Variants in IRF2BP1 observed in about 807,000 individuals in gnomAD.
IRF2BP1 encodes the protein interferon regulatory factor 2 binding protein 1.
Under a neutral mutation model 38.6 loss-of-function variants are expected in IRF2BP1, and 9 were observed. That is an observed-to-expected ratio of 0.23 (90% CI 0.14 to 0.41). The LOEUF is 0.41. Among genes scored for constraint, IRF2BP1 ranks in the 10% least tolerant of loss-of-function variants. The pLI, the probability that IRF2BP1 is intolerant of heterozygous loss-of-function variation, is 1.00. For synonymous variants in IRF2BP1, 416 were observed against 383.4 expected, an observed-to-expected ratio of 1.08 and a Z score of -0.99; for missense variants, 631 against 829.6, an observed-to-expected ratio of 0.76 and a Z score of 2.94.
At position 45,884,252 on chromosome 19, in the gene IRF2BP1, T is replaced by C. The variant is rs775697252; in HGVS notation, c.1523A>G (p.Glu508Gly). 65 of 1,609,390 alleles carry C rather than the reference T, an allele frequency of 4.0e-5. No homozygotes were observed. Among genetic ancestry groups the C allele is most frequent in the Non-Finnish European group, 5.4e-5 (64 of 1,178,044 alleles). Residue 508 changes from glutamate to glycine, a missense_variant, in exon 1 of 1, where the codon GAG becomes GGG. Transcript: ENST00000302165. The stretch of plus-strand genomic sequence containing the variant: ...GACGAAGTGGGTGTCTTCTAGCCGC[T>C]CCCTGCACAGGGTACAGCACAGGGG... ...GAPLCCTLCR[E>G]RLEDTHFVQC...
Position 45,884,854 on chromosome 19 carries a change from T to C in IRF2BP1, c.921A>G (p.Ala307=). 4.3e-6 allele frequency: 7 copies of C among 1,613,034 alleles called. No individual in the cohort carries two copies. The highest frequency in any genetic ancestry group is 5.9e-6 in the Non-Finnish European group (7 of 1,180,032). The part of the protein sequence containing the change: ...FHDALREPGK[A]LASSGFKYLE... ...GGTACTTGAAGCCCGAAGAAGCCAGTGCCTTGCCCGGCTCCCGCAGAGCAT... is the reference window on the plus strand; with the variant it reads ...GGTACTTGAAGCCCGAAGAAGCCAGCGCCTTGCCCGGCTCCCGCAGAGCAT... Residue 307 remains alanine (A), a synonymous_variant, in exon 1 of 1, where the codon GCA becomes GCG. Transcript: ENST00000302165.
In IRF2BP1 at chr19:45,885,962, C is replaced by T; in HGVS notation, c.-188G>A. 1.6e-6 allele frequency: 1 copy of T among 615,710 alleles called. No homozygotes were observed. The highest frequency in any genetic ancestry group is 3.2e-5 in the South Asian group (1 of 31,734). 38.1% of individuals were successfully genotyped at this position (615,710 alleles called of 1,614,324 possible). The stretch of plus-strand genomic sequence containing the variant: ...CCTGGGCCCTAAGCCTTTCTGCTCA[C>T]TCCCGCCTCCCTCGCGAAGGCAGGC... On this transcript the variant is annotated 5_prime_UTR_variant, in exon 1 of 1. In the 5' UTR this introduces an upstream ATG that the reference lacks. Transcript: ENST00000302165.
chr19:45,884,436 C>A lies in IRF2BP1; in HGVS notation c.1339G>T (p.Val447Leu). 6.3e-7 allele frequency: 1 copy of A among 1,596,816 alleles called. No homozygotes were observed. Among genetic ancestry groups the A allele is most frequent in the Non-Finnish European group, 8.5e-7 (1 of 1,177,128 alleles). ...PKDPGGGGGP[V>L]RAGGASPAAS... is the part of the protein sequence containing the mutation. ...GCAGGGCTGGCGCCCCCTGCACGCA[C>A]AGGCCCCCCGCCTCCGCCAGGGTCC... The change falls in exon 1 of 1, where the codon GTG (valine) becomes TTG (leucine). Residue 447 changes from valine (V) to leucine (L), a missense_variant. Val to Leu is a conservative substitution (Grantham distance 32). Coordinates refer to ENST00000302165, the MANE Select transcript of IRF2BP1 (RefSeq NM_015649.3).
Position 45,885,265 on chromosome 19 carries a change from T to A in IRF2BP1, c.510A>T (p.Ala170=). The part of the protein sequence containing the change: ...GLMPPGLLAA[A]VSGLGSRGLT... ...GGCCTCGGCTTCCCAGGCCAGACAC[T>A]GCAGCTGCCAGCAGCCCAGGGGGCA... The change falls in exon 1 of 1, where the codon GCA becomes GCT. Residue 170 remains alanine, a synonymous_variant. Transcript: ENST00000302165. 1.2e-6 allele frequency: 2 copies of A among 1,603,114 alleles called. No individual in the cohort carries two copies. Among genetic ancestry groups the A allele is most frequent in the Non-Finnish European group, 1.7e-6 (2 of 1,179,894 alleles).
Position 45,884,101 on chromosome 19 carries a change from G to A in IRF2BP1, c.1674C>T (p.Ser558=), listed in dbSNP as rs3745927. 1.1e-3 allele frequency: 1,808 copies of A among 1,612,788 alleles called. 45 individuals are homozygous for A. The East Asian group carries it at 0.038, about 34-fold the overall frequency. ...CGCCCTGCATGAAGGCCCAGGGCAC[G>A]GAGGAGCCGACCAGCGGGCACTTGT... ...SGDKCPLVGS[S]VPWAFMQGEI... is the part of the protein sequence containing the mutation. Residue 558 remains serine, a synonymous_variant, in exon 1 of 1, where the codon TCC becomes TCT. Coordinates refer to ENST00000302165, the MANE Select transcript of IRF2BP1 (RefSeq NM_015649.3).
At position 45,883,943 on chromosome 19, in the gene IRF2BP1, C is replaced by T; in HGVS notation, c.*77G>A. On this transcript the variant is annotated 3_prime_UTR_variant, in exon 1 of 1. Transcript: ENST00000302165. ...AGATAGAGGTGGCACTGGGCTGGGT[C>T]GGGGAGGGAATAATTTATCCGCGGC... is the stretch of plus-strand genomic sequence containing the variant. 7.3e-7 allele frequency: 1 copy of T among 1,372,766 alleles called. No individual in the cohort carries two copies. Among genetic ancestry groups the T allele is most frequent in the Non-Finnish European group, 9.7e-7 (1 of 1,025,886 alleles). The allele number at this position is 1,372,766 out of a possible 1,614,324, so 85.0% of individuals were successfully genotyped here.
Position 45,885,553 on chromosome 19 carries a change from G to T in IRF2BP1, c.222C>A (p.His74Gln). Residue 74 changes from histidine (H) to glutamine (Q), a missense_variant, in exon 1 of 1, where the codon CAC becomes CAA. Physicochemically the swap from His to Gln is conservative, Grantham distance 24. Coordinates refer to ENST00000302165, the MANE Select transcript of IRF2BP1 (RefSeq NM_015649.3). ...GRSPGPPALK[H>Q]PATKDLAAAA... ...CCGCCGCCAGGTCCTTGGTGGCCGG[G>T]TGCTTAAGGGCCGGGGGCCCGGGCG... 1 of 1,448,660 alleles carries T rather than the reference G, an allele frequency of 6.9e-7. No homozygotes were observed. Among genetic ancestry groups the T allele is most frequent in the East Asian group, 2.8e-5 (1 of 35,574 alleles). 89.7% of individuals were successfully genotyped at this position (1,448,660 alleles called of 1,614,324 possible).
rs1387837711 is a variant in IRF2BP1 at position 45,885,537 on chromosome 19, G to C, written c.238C>G (p.Leu80Val). 7.0e-7 allele frequency: 1 copy of C among 1,425,244 alleles called. No homozygotes were observed. The highest frequency in any genetic ancestry group is 1.5e-5 in the African/African-American group (1 of 66,620). The allele number at this position is 1,425,244 out of a possible 1,614,324, so 88.3% of individuals were successfully genotyped here. Residue 80 changes from leucine (L) to valine (V), a missense_variant, in exon 1 of 1, where the codon CTG becomes GTG. By Grantham distance (32) the Leu-to-Val change is conservative. Transcript: ENST00000302165. ...PALKHPATKDLAAAAAQGPQL... is the reference protein window; with the variant it reads ...PALKHPATKDVAAAAAQGPQL... ...GGCCCCTGTGCGGCTGCCGCCGCCA[G>C]GTCCTTGGTGGCCGGGTGCTTAAGG... is the stretch of plus-strand genomic sequence containing the variant.
rs535895980 is a variant in IRF2BP1 at position 45,884,150 on chromosome 19, C to T, written c.1625G>A (p.Gly542Glu). Residue 542 changes from glycine (G) to glutamate (E), a missense_variant, in exon 1 of 1, where the codon GGG (glycine) becomes GAG (glutamate). By Grantham distance (98) the Gly-to-Glu change is moderately conservative. Around this residue, in one of 5 missense-constraint regions of IRF2BP1, gnomAD observed 58 missense variants for 108.4 expected, o/e 0.54. Coordinates refer to ENST00000302165, the MANE Select transcript of IRF2BP1 (RefSeq NM_015649.3). ...REFIKAQGPA[G>E]EVYCPSGDKC... ...GTCTCCGCTCGGGCAGTACACCTCC[C>T]CGGCCGGGCCCTGCGCCTTGATGAA... The T allele has an allele frequency of 1.9e-6, 3 of 1,613,196 alleles. No homozygotes were observed. The Admixed American group carries it at 5.0e-5, about 27-fold the overall frequency.
Position 45,885,903 on chromosome 19 carries a change from C to G in IRF2BP1, c.-129G>C. The G allele has an allele frequency of 8.9e-7, 1 of 1,126,028 alleles. No individual in the cohort carries two copies. 69.8% of individuals were successfully genotyped at this position (1,126,028 alleles called of 1,614,324 possible). On this transcript the variant is annotated 5_prime_UTR_variant, in exon 1 of 1. Coordinates refer to ENST00000302165, the MANE Select transcript of IRF2BP1 (RefSeq NM_015649.3). ...GGTCCGGCCTCCGGCTCGGCCTCCCCGCCGGATCCAGGCCCGGCCCCCCTT... is the reference window on the plus strand; with the variant it reads ...GGTCCGGCCTCCGGCTCGGCCTCCCGGCCGGATCCAGGCCCGGCCCCCCTT...
At position 45,885,138 on chromosome 19, in the gene IRF2BP1, C is replaced by G; in HGVS notation, c.637G>C (p.Glu213Gln). The stretch of plus-strand genomic sequence containing the variant: ...TCCTCTGCCCGGCCTCGCATGGCCT[C>G]GTTCAGTTCTGCCAGACAGTCCGCA... ...RNADCLAELN[E>Q]AMRGRAEEWH... The change falls in exon 1 of 1, where the codon GAG becomes CAG. Residue 213 changes from glutamate (E) to glutamine (Q), a missense_variant. By Grantham distance (29) the Glu-to-Gln change is conservative. Coordinates refer to ENST00000302165, the MANE Select transcript of IRF2BP1 (RefSeq NM_015649.3). The G allele has an allele frequency of 6.2e-7, 1 of 1,611,068 alleles. No individual in the cohort carries two copies.
In IRF2BP1 at chr19:45,884,742, C is replaced by T. The variant is rs777736243; in HGVS notation, c.1033G>A (p.Ala345Thr). 3.7e-6 allele frequency: 6 copies of T among 1,611,798 alleles called. No individual in the cohort carries two copies. Among genetic ancestry groups the T allele is most frequent in the Non-Finnish European group, 5.1e-6 (6 of 1,179,770 alleles). ...TGCTGGGGCAGGGCCTCCGCGGGAG[C>T]TGGCTCGCGGAAGCTGCGGACGCCG... ...TDGVRSFREP[A>T]PAEALPQQYP... The change falls in exon 1 of 1, where the codon GCT becomes ACT. Residue 345 changes from alanine to threonine, a missense_variant. Physicochemically the swap from Ala to Thr is moderately conservative, Grantham distance 58 (BLOSUM62 0). Transcript: ENST00000302165.
rs541209174 is a variant in IRF2BP1, at chr19:45,884,376, G to A, written c.1399C>T (p.Arg467Cys). The change falls in exon 1 of 1, where the codon CGC becomes TGC. Residue 467 changes from arginine (R) to cysteine (C), a missense_variant. Arg to Cys is a radical substitution (Grantham distance 180). This residue lies in a region of IRF2BP1 where 201 missense variants were observed against 215.3 expected (regional missense o/e 0.93). Transcript: ENST00000302165. The part of the protein sequence containing the change: ...SSTAQPPTQH[R>C]LVARNGEAEV... ...GCTTCGCCGTTGCGGGCCACAAGGCGATGCTGGGTTGGCGGCTGGGCCGTG... is the reference window on the plus strand; with the variant it reads ...GCTTCGCCGTTGCGGGCCACAAGGCAATGCTGGGTTGGCGGCTGGGCCGTG... The A allele has an allele frequency of 8.1e-6, 13 of 1,606,688 alleles. No individual in the cohort carries two copies. The South Asian group carries it at 1.2e-4, about 15-fold the overall frequency.
In IRF2BP1 at chr19:45,885,997, T is replaced by G; in HGVS notation, c.-223A>C. 2.1e-6 allele frequency: 1 copy of G among 480,854 alleles called. No homozygotes were observed. 29.8% of individuals were successfully genotyped at this position (480,854 alleles called of 1,614,324 possible). A position where few individuals can be genotyped will look rare whatever the true frequency, so the allele number is the denominator to read the frequency against. On this transcript the variant is annotated 5_prime_UTR_variant, in exon 1 of 1. Coordinates refer to ENST00000302165, the MANE Select transcript of IRF2BP1 (RefSeq NM_015649.3). The stretch of plus-strand genomic sequence containing the variant: ...CCTCGCGAAGGCAGGCTGAGGCACG[T>G]CGGCGCCCCCGCCCGGTCCGGGCTC...
chr19:45,885,914 G>A lies in IRF2BP1; in HGVS notation c.-140C>T, dbSNP rs1967050065. 3 of 1,003,654 alleles carry A rather than the reference G, an allele frequency of 3.0e-6. No homozygotes were observed. 62.2% of individuals were successfully genotyped at this position (1,003,654 alleles called of 1,614,324 possible). On this transcript the variant is annotated 5_prime_UTR_variant, in exon 1 of 1. Coordinates refer to ENST00000302165, the MANE Select transcript of IRF2BP1 (RefSeq NM_015649.3). ...CGGCTCGGCCTCCCCGCCGGATCCAGGCCCGGCCCCCCTTCCCCGCCCCCT... is the reference window on the plus strand; with the variant it reads ...CGGCTCGGCCTCCCCGCCGGATCCAAGCCCGGCCCCCCTTCCCCGCCCCCT...
rs769827817 is a variant in IRF2BP1 at position 45,884,650 on chromosome 19, C to T, written c.1125G>A (p.Ala375=). 6.2e-7 allele frequency: 1 copy of T among 1,600,814 alleles called. No individual in the cohort carries two copies. ...ATGCCTTGCGACGGCGCGGCGTGGG[C>T]GCCAGGTTCCGGGATGGGGCTCGCG... is the stretch of plus-strand genomic sequence containing the variant. ...PPPRAPSRNL[A]PTPRRRKASP... is the part of the protein sequence containing the mutation. The change falls in exon 1 of 1, where the codon GCG becomes GCA. Residue 375 remains alanine, a synonymous_variant. Coordinates refer to ENST00000302165, the MANE Select transcript of IRF2BP1 (RefSeq NM_015649.3).
rs1212097851 is a variant in IRF2BP1, at chr19:45,883,720, C to T, written c.*300G>A. 1 of 337,984 alleles carries T rather than the reference C, an allele frequency of 3.0e-6. No homozygotes were observed. The highest frequency in any genetic ancestry group is 5.4e-6 in the Non-Finnish European group (1 of 185,916). 20.9% of individuals were successfully genotyped at this position (337,984 alleles called of 1,614,324 possible). A position where few individuals can be genotyped will look rare whatever the true frequency, so the allele number is the denominator to read the frequency against. Reference sequence around the variant, plus strand: ...TATAAAGAGCGAGTTTTCAGGAGGTCCCTTCTCAAGGAGGAGGGGGGCACC... The same window carrying T: ...TATAAAGAGCGAGTTTTCAGGAGGTTCCTTCTCAAGGAGGAGGGGGGCACC... On this transcript the variant is annotated 3_prime_UTR_variant, in exon 1 of 1. Coordinates refer to ENST00000302165, the MANE Select transcript of IRF2BP1 (RefSeq NM_015649.3).
Position 45,885,707 on chromosome 19 carries a change from G to A in IRF2BP1, c.68C>T (p.Ala23Val). The change falls in exon 1 of 1, where the codon GCC becomes GTC. Residue 23 changes from alanine to valine, a missense_variant. This residue lies in a region of IRF2BP1 where 33 missense variants were observed against 66.8 expected (regional missense o/e 0.49). Coordinates refer to ENST00000302165, the MANE Select transcript of IRF2BP1 (RefSeq NM_015649.3). ...YLCDLPKMPW[A>V]MVWDFSEAVC... is the part of the protein sequence containing the mutation. ...GGCCTCGCTGAAGTCCCACACCATG[G>A]CCCACGGCATCTTGGGCAGGTCGCA... 1 of 1,585,072 alleles carries A rather than the reference G, an allele frequency of 6.3e-7. No homozygotes were observed. The highest frequency in any genetic ancestry group is 1.7e-5 in the Admixed American group (1 of 59,192).
chr19:45,884,537 G>A lies in IRF2BP1; in HGVS notation c.1238C>T (p.Ser413Phe), dbSNP rs527927871. 1.5e-4 allele frequency: 242 copies of A among 1,599,978 alleles called. 3 individuals are homozygous for A. In the South Asian group the frequency reaches 2.4e-3, roughly 16 times the overall value. ...CGAGGGCACACCAGGGGTCTCAGCG[G>A]AGTACGGGCCGCCGGGTGCCACCCA... ...RHWVAPGGPY[S>F]AETPGVPSPI... is the part of the protein sequence containing the mutation. Residue 413 changes from serine (S) to phenylalanine (F), a missense_variant, in exon 1 of 1, where the codon TCC becomes TTC. By Grantham distance (155) the Ser-to-Phe change is radical. Transcript: ENST00000302165.
Sources: allele counts gnomAD v4.1 joint callset, GRCh38; gene constraint gnomAD v4.1.1; regional missense constraint gnomAD v4.1.1; transcripts MANE v1.5; gene names NCBI Gene and HGNC (gene_info 2026-07-23, HGNC 2026-07-21).